The following GRIP1 variants were observed in gnomAD, a reference collection of about 807,000 sequenced individuals.
GRIP1 encodes glutamate receptor interacting protein 1.
A neutral mutation model predicts 129.9 loss-of-function variants in GRIP1; 45 were observed. The observed-to-expected ratio is 0.35, with a 90% CI of 0.27 to 0.44. GRIP1 has a LOEUF of 0.44. GRIP1 is among the 20% of genes least tolerant of loss of function. The pLI, the probability that GRIP1 is intolerant of heterozygous loss-of-function variation, is 1.00. For missense variants in GRIP1, 1,196 were observed against 1,396.8 expected (o/e 0.86, Z 2.29); for synonymous variants, 530 against 520.8 (o/e 1.02, Z -0.24).
intron 1 of GRIP1, among the ~76,000 whole-genome samples, chr12:66,984,629 T>TGA (rs1290055247): frequency 6.6e-6 from 1 of 152,150 alleles, no homozygotes; most frequent in African/African-American, 2.4e-5. Flanking sequence ...AACTAGAAGG[T>TGA]GAGAGAGCTG....
intron 1 of GRIP1, among the ~76,000 whole-genome samples, chr12:66,609,126 C>T (rs527776416): frequency 9.9e-5 from 15 of 152,084 alleles, no homozygotes; most frequent in Non-Finnish European, 1.5e-4. Flanking sequence ...AAAACTGAAT[C>T]TCAGTTACAA....
chr12:66,736,346 A>ATTTT (rs547706592), intron 1 of GRIP1, among the ~76,000 whole-genome samples: 13 of 67,022 alleles, frequency 1.9e-4, no homozygotes, highest in South Asian at 6.5e-4. Flanking sequence ...TGCCTGGCTA[A>ATTTT]TTTTTTTTTT....
chr12:66,599,981 GGAGT>G (rs1406027321), intron 1 of GRIP1, among the ~76,000 whole-genome samples: 5 of 152,254 alleles, frequency 3.3e-5, no homozygotes, highest in African/African-American at 1.2e-4. Flanking sequence ...CTGTGTCACA[GGAGT>G]GAGTGAGTGG....
chr12:66,402,114 C>T, intron 16 of GRIP1, among the ~76,000 whole-genome samples: 1 of 152,130 alleles, frequency 6.6e-6, no homozygotes, highest in Admixed American at 6.5e-5. Context: ...CCATGCTCTC[C>T]CTAACTTTCT....
At position 66,814,423 on chromosome 12, in the gene GRIP1, G is replaced by T. The variant is rs2039165103; in HGVS notation, c.59-217496C>A. ...TCACTTTATTATAGCTGCTTCTTAT[G>T]AAACCTTGTAATTATCTGCTTATTT... On this transcript the variant is annotated intron_variant, in intron 1 of 1. Coordinates refer to the GRIP1 transcript ENST00000643019. Among the ~76,000 whole-genome samples the T allele has an allele frequency of 2.6e-5, 4 of 152,020 alleles. 1 individual carries two copies. The South Asian group carries it at 8.3e-4, about 32-fold the overall frequency.
chr12:66,404,262 A>AT (rs977283385), intron 16 of GRIP1, among the ~76,000 whole-genome samples: 50 of 151,978 alleles, frequency 3.3e-4, no homozygotes, highest in Middle Eastern at 3.4e-3. Flanking sequence ...GCAACTATAG[A>AT]TTTTTTTTTA....
chr12:66,435,838 A>G (rs958585929), intron 13 of GRIP1, among the ~76,000 whole-genome samples: 6 of 152,258 alleles, frequency 3.9e-5, no homozygotes, highest in African/African-American at 1.4e-4. Context: ...ATTCATAATG[A>G]TGAACAAATA....
chr12:66,425,330 C>T (rs2057944955), intron 14 of GRIP1, among the ~76,000 whole-genome samples: 1 of 152,100 alleles, frequency 6.6e-6, no homozygotes, highest in Non-Finnish European at 1.5e-5. Flanking sequence ...ACAACAGGTG[C>T]TGGAGAGGAT....
At chr12:67,052,191 T>C (rs1278634431) in intron 1 of GRIP1, among the ~76,000 whole-genome samples, 1 of 152,220 alleles carries the variant, frequency 6.6e-6, no homozygotes, top group Non-Finnish European at 1.5e-5. Flanking sequence ...AAGAAGTTAT[T>C]GTGTTACCAA....
intron 23 of GRIP1, among the ~76,000 whole-genome samples, chr12:66,360,203 TCTC>T (rs2054686989): frequency 6.6e-6 from 1 of 151,160 alleles, no homozygotes; most frequent in Non-Finnish European, 1.5e-5. Context: ...CGACATGTAA[TCTC>T]CTAGCTGGTC....
intron 7 of GRIP1, among the ~76,000 whole-genome samples, chr12:66,512,891 G>T (rs905512406): frequency 2.8e-4 from 43 of 152,066 alleles, no homozygotes; most frequent in African/African-American, 1.0e-3. Context: ...AATTATGTAT[G>T]AAATATATTT....
chr12:66,486,000 G>A (rs1454034672), intron 7 of GRIP1, among the ~76,000 whole-genome samples: 1 of 151,956 alleles, frequency 6.6e-6, no homozygotes, highest in African/African-American at 2.4e-5. Flanking sequence ...GTACCATATT[G>A]TCTTAATTAC....
chr12:66,559,733 G>A lies in GRIP1; in HGVS notation c.137-17783C>T, dbSNP rs554577585. ...GGATTGGAAGAATCAATATTGTTAC[G>A]ATGTCATACTACGGAAAGCAATCTA... On this transcript the variant is annotated intron_variant, in intron 2 of 24. Transcript: ENST00000359742. 2.6e-5 allele frequency among the ~76,000 whole-genome samples: 4 copies of A among 152,050 alleles called. No individual in the cohort carries two copies. In the South Asian group the frequency reaches 6.2e-4, roughly 24 times the overall value.
At chr12:66,359,497 C>T (rs1164563656) in intron 23 of GRIP1, among the ~76,000 whole-genome samples, 1 of 152,184 alleles carries the variant, frequency 6.6e-6, no homozygotes, top group African/African-American at 2.4e-5. Flanking sequence ...AGATGAGTGC[C>T]AACCACAGTG....
At chr12:66,650,010 C>A (rs554270443) in intron 1 of GRIP1, among the ~76,000 whole-genome samples, 1 of 152,142 alleles carries the variant, frequency 6.6e-6, no homozygotes, top group Admixed American at 6.5e-5. Context: ...ATGTGTCTAG[C>A]GAGTTATAGA....
chr12:66,605,068 T>C (rs7297208), intron 1 of GRIP1, among the ~76,000 whole-genome samples: 6 of 147,296 alleles, frequency 4.1e-5, no homozygotes, highest in Non-Finnish European at 7.5e-5. Flanking sequence ...TATATATACA[T>C]ATATATATAT....
At chr12:66,895,173 C>A (rs2040724986) in intron 1 of GRIP1, among the ~76,000 whole-genome samples, 1 of 152,176 alleles carries the variant, frequency 6.6e-6, no homozygotes, top group Non-Finnish European at 1.5e-5. Context: ...GCTGTGTCCC[C>A]ACCCAAATCT....
At chr12:66,962,177 C>G (rs1040219719) in intron 1 of GRIP1, among the ~76,000 whole-genome samples, 43 of 152,146 alleles carry the variant, frequency 2.8e-4, no homozygotes, top group Non-Finnish European at 8.8e-5. Flanking sequence ...CCCAAGCTAA[C>G]AGTTTTAAAG....
chr12:66,437,057 A>C (rs2058331585), intron 13 of GRIP1, among the ~76,000 whole-genome samples: 1 of 151,940 alleles, frequency 6.6e-6, no homozygotes, highest in Non-Finnish European at 1.5e-5. Context: ...ACTCCATGTC[A>C]GCTTAAAATA....
Sources: gnomAD v4.1 joint callset for allele counts (sites outside exome capture counted in the v4.1 genomes callset) on GRCh38, gnomAD v4.1.1 for gene constraint, MANE v1.5 for transcripts, NCBI Gene and HGNC (gene_info 2026-07-23, HGNC 2026-07-21) for gene names.